Variants in ABHD12 observed in about 807,000 individuals in gnomAD.
ABHD12 encodes lysophosphatidylserine lipase ABHD12.
A neutral mutation model predicts 58.3 loss-of-function variants in ABHD12; 43 were observed. That is an observed-to-expected ratio of 0.74 (90% CI 0.58 to 0.95). The LOEUF (loss-of-function observed/expected upper bound fraction) is 0.95, where lower values mean the gene tolerates loss of function less well. ABHD12 is among the 40% of genes least tolerant of loss of function. The pLI, the probability that ABHD12 is intolerant of heterozygous loss-of-function variation, is 0.00. For missense variants in ABHD12, 539 were observed against 537.2 expected (o/e 1.00, Z -0.03); for synonymous variants, 219 against 211.2 (o/e 1.04, Z -0.32).
In ABHD12 at chr20:25,323,429, T is replaced by A. The variant is rs1328055015; in HGVS notation, c.318A>T (p.Val106=). ...TCAAATCAATGAAATAGGGAACTCT[T>A]ACTGTAGGAAATAAAGAGATGGAAA... ...IQAKLIFLNF[V]RVPYFIDLKK... Residue 106 remains valine (V), a splice_region_variant and synonymous_variant, in exon 3 of 13, where the codon GTA becomes GTT. Transcript: ENST00000339157. 2 of 1,589,356 alleles carry A rather than the reference T, an allele frequency of 1.3e-6. No homozygotes were observed. The highest frequency in any genetic ancestry group is 2.7e-5 in the African/African-American group (2 of 74,438).
chr20:25,358,731 GACCCCTTGTCCATATCGGCC>G (rs1480602717), intron 1 of ABHD12, among the ~76,000 whole-genome samples: 2 of 152,112 alleles, frequency 1.3e-5, no homozygotes, highest in Non-Finnish European at 2.9e-5. Flanking sequence ...CGTGAACTTG[GACCCCTTGTCCATATCGGCC>G]ACCCCCCAGA....
At chr20:25,324,970 G>A (rs1476839925) in intron 2 of ABHD12, among the ~76,000 whole-genome samples, 1 of 152,062 alleles carries the variant, frequency 6.6e-6, no homozygotes, top group African/African-American at 2.4e-5. Context: ...GCTCCTATTA[G>A]ATTGCCAGCT....
intron 3 of ABHD12, 103 bp from the exon 4 acceptor site, chr20:25,320,421 G>A: frequency 6.6e-7 from 1 of 1,509,982 alleles, no homozygotes; most frequent in Non-Finnish European, 9.1e-7. Context: ...CCAGACAGCA[G>A]GGAGCTGCAG....
chr20:25,375,824 A>C (rs1166004808), intron 1 of ABHD12, among the ~76,000 whole-genome samples: 1 of 152,088 alleles, frequency 6.6e-6, no homozygotes. Context: ...TGTTTCTTTT[A>C]AAATATGTCT....
At chr20:25,378,478 G>A (rs1027099088) in intron 1 of ABHD12, among the ~76,000 whole-genome samples, 1 of 152,126 alleles carries the variant, frequency 6.6e-6, no homozygotes, top group African/African-American at 2.4e-5. Context: ...AAAGGTCAAG[G>A]ATGAAGGGGT....
At chr20:25,337,490 C>T (rs2089391364) in intron 2 of ABHD12, among the ~76,000 whole-genome samples, 1 of 152,244 alleles carries the variant, frequency 6.6e-6, no homozygotes, top group South Asian at 2.1e-4. Flanking sequence ...ACCCACAGAA[C>T]AAAATCTGTA....
chr20:25,351,451 T>C (rs2089599108), intron 1 of ABHD12, among the ~76,000 whole-genome samples: 1 of 152,234 alleles, frequency 6.6e-6, no homozygotes, highest in East Asian at 1.9e-4. Context: ...CTTGTTCCCA[T>C]TGAAATAACT....
At chr20:25,298,648 G>T (rs765473494), downstream of ABHD12, among the ~76,000 whole-genome samples, 2 of 152,316 alleles carry the variant, frequency 1.3e-5, no homozygotes, top group East Asian at 3.9e-4. Flanking sequence ...CACCTTTCTG[G>T]TGTGACTTGT....
At chr20:25,294,809 T>TA (rs2088514400) in exon 13 of ABHD12, 1 of 750,852 alleles carries the variant, frequency 1.3e-6, no homozygotes, top group Non-Finnish European at 2.4e-6. Flanking sequence ...TATCTAGAGT[T>TA]ACAGACTTTG....
At position 25,339,712 on chromosome 20, in the gene ABHD12, C is replaced by T. The variant is rs181139144; in HGVS notation, c.192-361G>A. 9 of 1,367,266 alleles carry T rather than the reference C, an allele frequency of 6.6e-6. No individual in the cohort carries two copies. In the East Asian group the frequency reaches 3.1e-4, roughly 48 times the overall value. 84.7% of individuals were successfully genotyped at this position (1,367,266 alleles called of 1,614,324 possible). A position where few individuals can be genotyped will look rare whatever the true frequency, so the allele number is the denominator to read the frequency against. On this transcript the variant is annotated intron_variant, in intron 1 of 12. Transcript: ENST00000339157. ...GCTGTAACCTCGTATCAGGAAAGAG[C>T]GGCCTCCTCAGGCCTCCCGATCCGT...
chr20:25,323,719 G>A (rs2089123747), intron 2 of ABHD12, among the ~76,000 whole-genome samples: 1 of 152,238 alleles, frequency 6.6e-6, no homozygotes, highest in South Asian at 2.1e-4. Context: ...GGTCTGTGTA[G>A]AGACTGGAAC....
rs201363929 is a variant in ABHD12 at position 25,300,836 on chromosome 20, C to T, written c.*9G>A. ...CAGAGGTCTTCATGCTTCCTTCCCA[C>T]GGCCAGGCTCAGTGCTGGTGCTCAG... On this transcript the variant is annotated 3_prime_UTR_variant, in exon 13 of 13. Transcript: ENST00000339157. 7.4e-6 allele frequency: 12 copies of T among 1,614,090 alleles called. No homozygotes were observed. The highest frequency in any genetic ancestry group is 6.6e-5 in the South Asian group (6 of 91,082).
intron 2 of ABHD12, among the ~76,000 whole-genome samples, chr20:25,335,982 A>C (rs930707585): frequency 7.9e-5 from 12 of 151,584 alleles, no homozygotes; most frequent in Non-Finnish European, 1.3e-4. Flanking sequence ...AAAAAACAAA[A>C]AACAAATGCA....
chr20:25,319,238 G>A (rs1006986700), intron 4 of ABHD12, among the ~76,000 whole-genome samples: 1 of 152,224 alleles, frequency 6.6e-6, no homozygotes, highest in Non-Finnish European at 1.5e-5. Flanking sequence ...AGGCTCTTCT[G>A]AACAGCAATC....
chr20:25,326,380 T>TCC (rs1364183090), intron 2 of ABHD12, among the ~76,000 whole-genome samples: 2 of 152,116 alleles, frequency 1.3e-5, no homozygotes, highest in African/African-American at 4.8e-5. Context: ...GTCTATACAG[T>TCC]CCCCATACAG....
intron 2 of ABHD12, among the ~76,000 whole-genome samples, chr20:25,336,636 C>A (rs2089374048): frequency 6.6e-6 from 1 of 152,196 alleles, no homozygotes. Flanking sequence ...CTCGGCGACG[C>A]AGACAGGCAC....
chr20:25,312,519 C>T (rs2990514), intron 6 of ABHD12, among the ~76,000 whole-genome samples: 3,796 of 152,268 alleles, frequency 0.025, 146 homozygotes, highest in African/African-American at 0.083. Context: ...GGCGTGATCT[C>T]GGCTCACTAC....
chr20:25,319,288 C>T (rs915524619), intron 4 of ABHD12, among the ~76,000 whole-genome samples: 1 of 152,194 alleles, frequency 6.6e-6, no homozygotes. Flanking sequence ...GCAGGGAGGC[C>T]AACTCCAGGG....
intron 1 of ABHD12, among the ~76,000 whole-genome samples, chr20:25,378,259 C>A (rs561047331): frequency 2.0e-5 from 3 of 152,310 alleles, no homozygotes; most frequent in South Asian, 4.1e-4. Flanking sequence ...CCTGAGTATG[C>A]AAGAGCTGAT....
Sources: allele counts gnomAD v4.1 joint callset (sites outside exome capture counted in the v4.1 genomes callset), GRCh38; gene constraint gnomAD v4.1.1; transcripts MANE v1.5; gene names NCBI Gene and HGNC (gene_info 2026-07-23, HGNC 2026-07-21).